The following SASH1 variants were observed in gnomAD, a reference collection of about 807,000 sequenced individuals.
The protein encoded by SASH1 is SAM and SH3 domain-containing protein 1.
Under a neutral mutation model 125.2 loss-of-function variants are expected in SASH1, and 44 were observed. The ratio of observed to expected loss-of-function variants is 0.35; its 90% confidence interval spans 0.28 to 0.45. The LOEUF (loss-of-function observed/expected upper bound fraction) is 0.45, where lower values mean the gene tolerates loss of function less well. SASH1 is among the 20% of genes least tolerant of loss of function. The pLI is 1.00. For synonymous variants in SASH1, 639 were observed against 649.1 expected (o/e 0.98, Z 0.24); for missense variants, 1,426 against 1,614.5 (o/e 0.88, Z 2.00).
At chr6:148,510,557 T>TTCCTCTA (rs1361484731) in intron 8 of SASH1, among the ~76,000 whole-genome samples, 1 of 152,202 alleles carries the variant, frequency 6.6e-6, no homozygotes, top group Non-Finnish European at 1.5e-5. Flanking sequence ...CAATGCAGAT[T>TTCCTCTA]TCCTCTATCT....
the SASH1 span, among the ~76,000 whole-genome samples, chr6:148,197,879 T>C: frequency 2.0e-5 from 3 of 152,304 alleles, no homozygotes; most frequent in African/African-American, 7.2e-5. Context: ...AGATGGAGTC[T>C]GGCTCTGTCA....
intron 1 of SASH1, chr6:148,278,598 C>A (rs1779252326): frequency 6.6e-6 from 1 of 151,802 alleles, no homozygotes; most frequent in Non-Finnish European, 1.5e-5. Context: ...CTTAACTATG[C>A]AAAAGTAGGT....
At chr6:148,270,184 G>A (rs1198439929), upstream of SASH1, among the ~76,000 whole-genome samples, 2 of 152,180 alleles carry the variant, frequency 1.3e-5, no homozygotes. Context: ...ACAGGGAAGA[G>A]GGTGGCAAAG....
chr6:148,395,634 T>C (rs1004892422), intron 2 of SASH1, among the ~76,000 whole-genome samples: 3 of 152,168 alleles, frequency 2.0e-5, no homozygotes, highest in African/African-American at 7.2e-5. Context: ...GAATGGTGTG[T>C]TTGGACCACA....
intron 6 of SASH1, among the ~76,000 whole-genome samples, chr6:148,473,355 G>T (rs1778198302): frequency 6.6e-6 from 1 of 150,996 alleles, no homozygotes; most frequent in South Asian, 2.1e-4. Context: ...CGGGTTCAAA[G>T]CAATTCTCCT....
At chr6:148,502,669 G>T (rs1779607072) in intron 8 of SASH1, among the ~76,000 whole-genome samples, 1 of 150,962 alleles carries the variant, frequency 6.6e-6, no homozygotes, top group Non-Finnish European at 1.5e-5. Context: ...CTGTTGACTG[G>T]TGTCACATGC....
chr6:148,324,327 C>T (rs540560044), intron 1 of SASH1, among the ~76,000 whole-genome samples: 25 of 152,176 alleles, frequency 1.6e-4, no homozygotes, highest in African/African-American at 6.0e-4. Flanking sequence ...CATGGTTATT[C>T]CAAAAACAGT....
the SASH1 span, among the ~76,000 whole-genome samples, chr6:148,206,830 CAA>C: frequency 1.3e-4 from 20 of 150,724 alleles, no homozygotes; most frequent in African/African-American, 4.2e-4. Flanking sequence ...CACACACACA[CAA>C]ATTAACATAA....
At chr6:148,509,695 C>T (rs946930913) in intron 8 of SASH1, among the ~76,000 whole-genome samples, 2 of 152,176 alleles carry the variant, frequency 1.3e-5, no homozygotes, top group Admixed American at 6.5e-5. Context: ...TTACAGGGTC[C>T]GGTGAAGTAT....
rs552418276 is a variant in SASH1 at position 148,290,292 on chromosome 6, A to G, written n.74+17915A>G. On this transcript the variant is annotated intron_variant and non_coding_transcript_variant, in intron 1 of 3. Coordinates refer to the SASH1 transcript ENST00000367469. ...GAGGAAAATTTCTCTTCTCTCTCCCAGTTGAGAACTAGGAATTAATGAAAA... is the reference window on the plus strand; with the variant it reads ...GAGGAAAATTTCTCTTCTCTCTCCCGGTTGAGAACTAGGAATTAATGAAAA... 1.2e-3 allele frequency among the ~76,000 whole-genome samples: 176 copies of G among 151,688 alleles called. 1 individual carries two copies. Among genetic ancestry groups the G allele is most frequent in the African/African-American group, 3.8e-3 (157 of 41,356 alleles).
At chr6:148,331,881 A>G (rs896935320) in intron 1 of SASH1, among the ~76,000 whole-genome samples, 5 of 151,218 alleles carry the variant, frequency 3.3e-5, no homozygotes, top group Non-Finnish European at 5.9e-5. Context: ...ACGGGACCTC[A>G]CTTTGTTGCC....
chr6:148,366,667 A>G (rs536734689), intron 1 of SASH1, among the ~76,000 whole-genome samples: 10 of 148,888 alleles, frequency 6.7e-5, no homozygotes, highest in Admixed American at 4.7e-4. Flanking sequence ...GTGCGATCTC[A>G]GCTCACTGCA....
At chr6:148,233,723 G>A in the SASH1 span, among the ~76,000 whole-genome samples, 19 of 93,674 alleles carry the variant, frequency 2.0e-4, 1 homozygote, top group South Asian at 7.2e-3. Context: ...AGGGAGCTAT[G>A]ATGGCAGCTT....
Position 148,514,142 on chromosome 6 carries a change from G to A in SASH1, c.730-182G>A, listed in dbSNP as rs1328124923. 9 of 1,378,494 alleles carry A rather than the reference G, an allele frequency of 6.5e-6. No individual in the cohort carries two copies. In the East Asian group the frequency reaches 1.4e-4, roughly 22 times the overall value. 85.4% of individuals were successfully genotyped at this position (1,378,494 alleles called of 1,614,324 possible). A position where few individuals can be genotyped will look rare whatever the true frequency, so the allele number is the denominator to read the frequency against. Reference sequence around the variant, plus strand: ...CGTGCCTAGGACCTAATTCTACGCCGATTTAGATCTTAAGATGGTATGTGG... The same window carrying A: ...CGTGCCTAGGACCTAATTCTACGCCAATTTAGATCTTAAGATGGTATGTGG... On this transcript the variant is annotated intron_variant, in intron 8 of 19. Coordinates refer to ENST00000367467, the MANE Select transcript of SASH1 (RefSeq NM_015278.5).
At chr6:148,427,463 C>T (rs565564795) in intron 2 of SASH1, among the ~76,000 whole-genome samples, 4 of 152,318 alleles carry the variant, frequency 2.6e-5, no homozygotes, top group Non-Finnish European at 4.4e-5. Context: ...ATTCTTCTAA[C>T]ACAACACTCA....
At chr6:148,285,108 A>T (rs750473480) in intron 1 of SASH1, among the ~76,000 whole-genome samples, 7 of 152,190 alleles carry the variant, frequency 4.6e-5, no homozygotes, top group Non-Finnish European at 8.8e-5. Flanking sequence ...GGTAGCCATT[A>T]TTCTGCATTT....
rs962160244 is a variant in SASH1, at chr6:148,495,356, A to G, written c.729+7641A>G. On this transcript the variant is annotated intron_variant, in intron 8 of 19. Transcript: ENST00000367467. The surrounding 1 kb of genome is among the most constrained non-coding windows in gnomAD (Gnocchi z 4.0). ...AGAGTGGCAGCATCCTTCTACTTGTATAACCACTGTCGTCTTTTATAGAAT... is the reference window on the plus strand; with the variant it reads ...AGAGTGGCAGCATCCTTCTACTTGTGTAACCACTGTCGTCTTTTATAGAAT... Among the ~76,000 whole-genome samples, 3 of 152,340 alleles carry G rather than the reference A, an allele frequency of 2.0e-5. No homozygotes were observed. Among genetic ancestry groups the G allele is most frequent in the East Asian group, 1.9e-4 (1 of 5,178 alleles).
At chr6:148,521,074 C>G (rs539754735) in intron 10 of SASH1, among the ~76,000 whole-genome samples, 1 of 152,318 alleles carries the variant, frequency 6.6e-6, no homozygotes, top group East Asian at 1.9e-4. Context: ...ATGTTTTTCA[C>G]TTTTAACGCT....
At chr6:148,526,398 C>T (rs919816472) in intron 11 of SASH1, among the ~76,000 whole-genome samples, 31 of 152,022 alleles carry the variant, frequency 2.0e-4, no homozygotes, top group African/African-American at 7.5e-4. Flanking sequence ...TTGTCCTTTG[C>T]ATTGTGTCAT....
Sources: allele counts gnomAD v4.1 joint callset (sites outside exome capture counted in the v4.1 genomes callset), GRCh38; gene constraint gnomAD v4.1.1; non-coding constraint Gnocchi (gnomAD v3.1); transcripts MANE v1.5; gene names NCBI Gene and HGNC (gene_info 2026-07-23, HGNC 2026-07-21).